Variants in PLCB4 observed in about 807,000 individuals in gnomAD.
The protein encoded by PLCB4 is 1-phosphatidylinositol 4,5-bisphosphate phosphodiesterase beta-4.
PLCB4 carries 77 observed loss-of-function variants against 178.8 expected under a neutral mutation model. The observed-to-expected ratio is 0.43, with a 90% CI of 0.36 to 0.52. The LOEUF is 0.52. Among genes scored for constraint, PLCB4 ranks in the 20% least tolerant of loss-of-function variants. The pLI, the probability that PLCB4 is intolerant of heterozygous loss-of-function variation, is 0.00. For synonymous variants in PLCB4, 496 were observed against 490.8 expected, an observed-to-expected ratio of 1.01 and a Z score of -0.14; for missense variants, 1,024 against 1,453.4, an observed-to-expected ratio of 0.70 and a Z score of 4.80.
At chr20:9,271,312 CA>C (rs886275752) in intron 3 of PLCB4, among the ~76,000 whole-genome samples, 10 of 152,258 alleles carry the variant, frequency 6.6e-5, no homozygotes, top group African/African-American at 2.2e-4. Flanking sequence ...TATTCTACCC[CA>C]GACATTCTGC....
At chr20:9,297,317 A>G (rs1431347783) in intron 3 of PLCB4, among the ~76,000 whole-genome samples, 1 of 152,048 alleles carries the variant, frequency 6.6e-6, no homozygotes, top group Non-Finnish European at 1.5e-5. Flanking sequence ...GAGCCAAGCT[A>G]TGAAGATGCA....
intron 1 of PLCB4, among the ~76,000 whole-genome samples, chr20:9,088,328 A>C (rs1473849383): frequency 1.3e-5 from 2 of 152,174 alleles, no homozygotes; most frequent in Non-Finnish European, 2.9e-5. Flanking sequence ...GGCCATGTGT[A>C]GCAAGTCCTG....
At chr20:9,171,755 G>A (rs1411001455) in intron 2 of PLCB4, among the ~76,000 whole-genome samples, 2 of 152,078 alleles carry the variant, frequency 1.3e-5, no homozygotes, top group East Asian at 1.9e-4. Flanking sequence ...AATTGGAGGC[G>A]GCAGAAGCAT....
chr20:9,306,694 T>C (rs1046884303), intron 3 of PLCB4, among the ~76,000 whole-genome samples: 1 of 152,194 alleles, frequency 6.6e-6, no homozygotes, highest in African/African-American at 2.4e-5. Flanking sequence ...CTTAACTATT[T>C]GGTGACTCAT....
At chr20:9,455,627 T>C (rs1366945128) in intron 33 of PLCB4, among the ~76,000 whole-genome samples, 1 of 152,162 alleles carries the variant, frequency 6.6e-6, no homozygotes, top group Admixed American at 6.5e-5. Context: ...TAAACGTAGA[T>C]GAGACTGGAA....
chr20:9,215,067 G>A (rs568603267), intron 2 of PLCB4, among the ~76,000 whole-genome samples: 42 of 152,212 alleles, frequency 2.8e-4, no homozygotes, highest in African/African-American at 8.2e-4. Context: ...TTGGGAACTC[G>A]GCCTGTTTCA....
chr20:9,341,540 C>T (rs1473164599), intron 7 of PLCB4, among the ~76,000 whole-genome samples: 2 of 151,978 alleles, frequency 1.3e-5, no homozygotes, highest in East Asian at 3.9e-4. Flanking sequence ...TCTTTATCCT[C>T]ATCATCCTCA....
chr20:9,116,833 T>C (rs2146723334), intron 2 of PLCB4, among the ~76,000 whole-genome samples: 1 of 152,318 alleles, frequency 6.6e-6, no homozygotes, highest in East Asian at 1.9e-4. Flanking sequence ...ATGTATATGC[T>C]GGCTCTAACT....
chr20:9,425,421 G>C lies in PLCB4; in HGVS notation c.2524+1469G>C, dbSNP rs2040930341. On this transcript the variant is annotated intron_variant, in intron 28 of 39. Transcript: ENST00000378473. ...CCCACTGAAACTCTAATTCATTCTT[G>C]GGAACTAAGCCACTCGAATAGAAAA... 7.9e-5 allele frequency among the ~76,000 whole-genome samples: 12 copies of C among 152,318 alleles called. 1 individual carries two copies. In the South Asian group the frequency reaches 2.5e-3, roughly 32 times the overall value.
intron 35 of PLCB4, among the ~76,000 whole-genome samples, chr20:9,462,534 A>G (rs1443806901): frequency 6.6e-6 from 1 of 152,188 alleles, no homozygotes; most frequent in African/African-American, 2.4e-5. Flanking sequence ...GGCTAGATGA[A>G]TGGATAACTA....
At chr20:9,326,644 C>G (rs1479976383) in intron 4 of PLCB4, among the ~76,000 whole-genome samples, 2 of 152,154 alleles carry the variant, frequency 1.3e-5, no homozygotes, top group African/African-American at 4.8e-5. Context: ...CTTCTGTTCA[C>G]TATACCCCAA....
intron 3 of PLCB4, among the ~76,000 whole-genome samples, chr20:9,224,953 C>T (rs1316035237): frequency 6.6e-6 from 1 of 152,094 alleles, no homozygotes; most frequent in Non-Finnish European, 1.5e-5. Context: ...CTTTCTTTTC[C>T]CTCCTTTCTT....
intron 32 of PLCB4, 97 bp downstream of exon 32, chr20:9,444,340 T>A: frequency 1.4e-6 from 1 of 709,550 alleles, no homozygotes; most frequent in Non-Finnish European, 2.5e-6. Flanking sequence ...CACTTAACAG[T>A]AATAACTCAT....
chr20:9,265,950 C>T (rs925988597), intron 3 of PLCB4, among the ~76,000 whole-genome samples: 2 of 152,014 alleles, frequency 1.3e-5, no homozygotes, highest in South Asian at 2.1e-4. Context: ...CAAGAGATTT[C>T]GATGCATGCT....
rs371785974 is a variant in PLCB4 at position 9,158,432 on chromosome 20, A to AT, written c.-78-58942dup. ...GGGCAAGTGTCTCCACACCTGGCTA[A>AT]TTTTTTTTTTTTTTTTAATAGATTT... On this transcript the variant is annotated intron_variant, in intron 2 of 39. Coordinates refer to ENST00000378473, the MANE Select transcript of PLCB4 (RefSeq NM_001377142.1). Among the ~76,000 whole-genome samples the AT allele has an allele frequency of 8.4e-3, 1,179 of 140,120 alleles. 12 individuals are homozygous for AT. Among genetic ancestry groups the AT allele is most frequent in the Middle Eastern group, 0.022 (6 of 268 alleles). 91.9% of individuals were successfully genotyped at this position (140,120 alleles called of 152,430 possible).
intron 2 of PLCB4, among the ~76,000 whole-genome samples, chr20:9,116,674 C>T (rs980887045): frequency 2.6e-5 from 4 of 152,010 alleles, no homozygotes; most frequent in Non-Finnish European, 5.9e-5. Context: ...CTATTTTTGG[C>T]CCCTTTACCC....
chr20:9,086,642 C>G (rs1177823886), intron 1 of PLCB4, among the ~76,000 whole-genome samples: 3 of 152,144 alleles, frequency 2.0e-5, no homozygotes, highest in South Asian at 4.1e-4. Context: ...TCTTCTACCC[C>G]TTCCATGTGG....
rs373995196 is a variant in PLCB4, at chr20:9,257,553, A to G, written c.-16+40101A>G. On this transcript the variant is annotated intron_variant, in intron 3 of 39. Coordinates refer to ENST00000378473, the MANE Select transcript of PLCB4 (RefSeq NM_001377142.1). ...GTAAGAAAGCCAAATTTTAATCCAAATGTTTCATGGTTCTTTGGGCTTCCA... is the reference window on the plus strand; with the variant it reads ...GTAAGAAAGCCAAATTTTAATCCAAGTGTTTCATGGTTCTTTGGGCTTCCA... Among the ~76,000 whole-genome samples, 15 of 152,270 alleles carry G rather than the reference A, an allele frequency of 9.9e-5. No individual in the cohort carries two copies. In the East Asian group the frequency reaches 2.5e-3, roughly 26 times the overall value.
At chr20:9,181,874 C>G (rs1600951601) in intron 2 of PLCB4, among the ~76,000 whole-genome samples, 1 of 151,932 alleles carries the variant, frequency 6.6e-6, no homozygotes, top group East Asian at 1.9e-4. Flanking sequence ...TAGAATAACA[C>G]CAATACAGTC....
Sources: gnomAD v4.1 joint callset for allele counts (sites outside exome capture counted in the v4.1 genomes callset) on GRCh38, gnomAD v4.1.1 for gene constraint, MANE v1.5 for transcripts, NCBI Gene and HGNC (gene_info 2026-07-23, HGNC 2026-07-21) for gene names.